MAP3K6: variants seen among roughly 807,000 people sequenced by gnomAD.
MAP3K6 encodes apoptosis signal-regulating kinase 2.
Under a neutral mutation model 147.1 loss-of-function variants are expected in MAP3K6, and 105 were observed. The observed-to-expected ratio is 0.71, with a 90% CI of 0.61 to 0.84. The LOEUF is 0.84. MAP3K6 is among the 40% of genes least tolerant of loss of function. MAP3K6 has a pLI of 0.00. For missense variants in MAP3K6, 1,569 were observed against 1,715.0 expected (o/e 0.91, Z 1.50); for synonymous variants, 695 against 732.4 (o/e 0.95, Z 0.82).
In MAP3K6 at chr1:27,363,424, C is replaced by T. The variant is rs1383102429; in HGVS notation, c.971+18G>A. The T allele has an allele frequency of 6.2e-7, 1 of 1,603,210 alleles. No individual in the cohort carries two copies. The highest frequency in any genetic ancestry group is 1.3e-5 in the African/African-American group (1 of 74,546). On this transcript the variant is annotated intron_variant, in intron 6 of 28. Coordinates refer to ENST00000357582, the MANE Select transcript of MAP3K6 (RefSeq NM_004672.5). The stretch of plus-strand genomic sequence containing the variant: ...AACCTTTATGTGGCTATGACCTAAC[C>T]CTTGCTCTGCCACTCACCGGTTGAG...
chr1:27,362,993 C>T lies in MAP3K6; in HGVS notation c.1000G>A (p.Ala334Thr). Residue 334 changes from alanine to threonine, a missense_variant, in exon 7 of 29, where the codon GCC (alanine) becomes ACC (threonine). Transcript: ENST00000357582. ...RRNRPGDRAK[A>T]LSVLLPLVQL... Reference sequence around the variant, plus strand: ...ACCAGCGGCAGCAGCACAGACAGGGCCTTCGCCCGGTCCCCAGGCCTGTTC... The same window carrying T: ...ACCAGCGGCAGCAGCACAGACAGGGTCTTCGCCCGGTCCCCAGGCCTGTTC... 1 of 1,613,952 alleles carries T rather than the reference C, an allele frequency of 6.2e-7. No homozygotes were observed. Among genetic ancestry groups the T allele is most frequent in the African/African-American group, 1.3e-5 (1 of 75,068 alleles).
Position 27,358,028 on chromosome 1 carries a change from A to G in MAP3K6, c.2916-152T>C. The G allele has an allele frequency of 6.7e-7, 1 of 1,485,424 alleles. No homozygotes were observed. The highest frequency in any genetic ancestry group is 8.9e-7 in the Non-Finnish European group (1 of 1,118,642). The allele number at this position is 1,485,424 out of a possible 1,614,324, so 92.0% of individuals were successfully genotyped here. A position where few individuals can be genotyped will look rare whatever the true frequency, so the allele number is the denominator to read the frequency against. ...CGCACTGAGAGGACACAACAAGTCC[A>G]AGTTAGAGTTGCCAGAACAGGGCAT... On this transcript the variant is annotated intron_variant, in intron 21 of 28. Transcript: ENST00000357582. The surrounding 1 kb of genome is among the most constrained non-coding windows in gnomAD (Gnocchi z 6.2).
intron 22 of MAP3K6, 28 bp from the exon 23 acceptor site, chr1:27,357,604 G>T (rs754253888): frequency 1.9e-6 from 3 of 1,597,374 alleles, no homozygotes; most frequent in Non-Finnish European, 2.6e-6. Context: ...GGTTGTCAGC[G>T]AGTGCTCCAG....
chr1:27,359,994 C>G lies in MAP3K6; in HGVS notation c.2183G>C (p.Gly728Ala), dbSNP rs749249562. The change falls in exon 17 of 29, where the codon GGC (glycine) becomes GCC (alanine). Residue 728 changes from glycine to alanine, a missense_variant and splice_region_variant. Physicochemically the swap from Gly to Ala is moderately conservative, Grantham distance 60 (BLOSUM62 0). Transcript: ENST00000357582. The surrounding 1 kb of genome is among the most constrained non-coding windows in gnomAD (Gnocchi z 4.4). ...LKIFMEEVPG[G>A]SLSSLLRSVW... ...CGACCGCAGCAAGGAGGACAGGCTG[C>G]CTGGGTGGGGACAGTCCAAGTTCAT... The G allele has an allele frequency of 6.2e-7, 1 of 1,614,006 alleles. No homozygotes were observed. The highest frequency in any genetic ancestry group is 1.1e-5 in the South Asian group (1 of 91,070).
rs925323172 is a variant in MAP3K6 at position 27,356,720 on chromosome 1, A to G, written c.3394T>C (p.Ser1132Pro). The part of the protein sequence containing the change: ...EVEKEAVSPR[S>P]EELSNEGDSQ... ...TCCCCTTCATTACTCAGCTCCTCTGACCTCGGTGAGACCGCCTCCTTCTCC... is the reference window on the plus strand; with the variant it reads ...TCCCCTTCATTACTCAGCTCCTCTGGCCTCGGTGAGACCGCCTCCTTCTCC... The change falls in exon 25 of 29, where the codon TCA (serine) becomes CCA (proline). Residue 1132 changes from serine (S) to proline (P), a missense_variant. Ser to Pro is a moderately conservative substitution (Grantham distance 74). Coordinates refer to ENST00000357582, the MANE Select transcript of MAP3K6 (RefSeq NM_004672.5). 4.4e-6 allele frequency: 7 copies of G among 1,585,540 alleles called. No homozygotes were observed. The highest frequency in any genetic ancestry group is 6.0e-6 in the Non-Finnish European group (7 of 1,165,440).
chr1:27,366,380 C>A lies in MAP3K6; in HGVS notation c.218G>T (p.Arg73Leu). 1.6e-6 allele frequency: 2 copies of A among 1,259,494 alleles called. No homozygotes were observed. Among genetic ancestry groups the A allele is most frequent in the Non-Finnish European group, 2.0e-6 (2 of 1,003,070 alleles). The allele number at this position is 1,259,494 out of a possible 1,614,324, so 78.0% of individuals were successfully genotyped here. ...CTGCGCGCAAGCCTCGCGCAGGCAGCGCAGGGGCAGCGGCTCCGCCTCGGT... is the reference window on the plus strand; with the variant it reads ...CTGCGCGCAAGCCTCGCGCAGGCAGAGCAGGGGCAGCGGCTCCGCCTCGGT... ...EGTEAEPLPLRCLREACAQVP... is the reference protein window; with the variant it reads ...EGTEAEPLPLLCLREACAQVP... The change falls in exon 1 of 29, where the codon CGC becomes CTC. Residue 73 changes from arginine (R) to leucine (L), a missense_variant. By Grantham distance (102) the Arg-to-Leu change is moderately radical. Transcript: ENST00000357582. The surrounding 1 kb of genome is among the most constrained non-coding windows in gnomAD (Gnocchi z 5.5).
rs200374785 is a variant in MAP3K6, at chr1:27,361,237, G to C, written c.1752C>G (p.Asp584Glu). Residue 584 changes from aspartate to glutamate, a missense_variant, in exon 13 of 29, where the codon GAC becomes GAG. Coordinates refer to ENST00000357582, the MANE Select transcript of MAP3K6 (RefSeq NM_004672.5). ...GTGCATAGAGGAAGCAGCAGCGCTC[G>C]TCGCGCTTTGAGGCGCTGGGAAGGG... ...SICGVSASKR[D>E]ERCCFLYALP... The C allele has an allele frequency of 3.7e-6, 6 of 1,613,416 alleles. No homozygotes were observed. The highest frequency in any genetic ancestry group is 2.7e-5 in the African/African-American group (2 of 75,054).
intron 27 of MAP3K6, 137 bp downstream of exon 27, chr1:27,355,889 A>G: frequency 8.9e-7 from 1 of 1,117,324 alleles, no homozygotes; most frequent in East Asian, 2.4e-5. Context: ...CATCCATACA[A>G]TGGGACGAGA....
At chr1:27,365,164 G>A (rs915607953) in intron 1 of MAP3K6, among the ~76,000 whole-genome samples, 4 of 152,186 alleles carry the variant, frequency 2.6e-5, no homozygotes, top group Non-Finnish European at 5.9e-5. Context: ...TGAGCACCTG[G>A]CATGGGGGAA....
rs1391883305 is a variant in MAP3K6 at position 27,359,342 on chromosome 1, C to T, written c.2425+75G>A. 1.2e-6 allele frequency: 2 copies of T among 1,606,206 alleles called. No homozygotes were observed. The highest frequency in any genetic ancestry group is 4.5e-5 in the East Asian group (2 of 44,784). On this transcript the variant is annotated intron_variant, in intron 18 of 28. Transcript: ENST00000357582. The surrounding 1 kb of genome is among the most constrained non-coding windows in gnomAD (Gnocchi z 4.4). ...TCTAACTCCATGCCTAGGAGAAACC[C>T]CCTTCCCTGGAAAGTTCCAAGAGAT... is the stretch of plus-strand genomic sequence containing the variant.
Position 27,364,870 on chromosome 1 carries a change from G to A in MAP3K6, c.383C>T (p.Ser128Phe). ...ACGCACACCAAGGTGGTAGAACAGG[G>A]AGGGCTGTACCAGCGAGCTGCTCAC... is the stretch of plus-strand genomic sequence containing the variant. ...LEVSSSLVQPSLFYHLGVRES... is the reference protein window; with the variant it reads ...LEVSSSLVQPFLFYHLGVRES... Residue 128 changes from serine (S) to phenylalanine (F), a missense_variant, in exon 2 of 29, where the codon TCC becomes TTC. Physicochemically the swap from Ser to Phe is radical, Grantham distance 155. Transcript: ENST00000357582. The surrounding 1 kb of genome is among the most constrained non-coding windows in gnomAD (Gnocchi z 4.4). 6.2e-7 allele frequency: 1 copy of A among 1,610,446 alleles called. No homozygotes were observed. Among genetic ancestry groups the A allele is most frequent in the Non-Finnish European group, 8.5e-7 (1 of 1,177,268 alleles).
At chr1:27,355,879 C>T (rs1406004213) in intron 27 of MAP3K6, 134 bp from the exon 28 acceptor site, 2 of 1,144,232 alleles carry the variant, frequency 1.7e-6, no homozygotes, top group African/African-American at 1.5e-5. Context: ...TCAGTTTTCT[C>T]ATCCATACAA....
Position 27,363,545 on chromosome 1 carries a change from A to G in MAP3K6, c.868T>C (p.Tyr290His). 1 of 1,606,480 alleles carries G rather than the reference A, an allele frequency of 6.2e-7. No individual in the cohort carries two copies. Among genetic ancestry groups the G allele is most frequent in the Non-Finnish European group, 8.5e-7 (1 of 1,176,008 alleles). ...TCCACCAGCTCAATGATGGCCGAGT[A>G]GTCCTGCATCAGGGAACGGCAAGCA... ...LLLSYRDVQD[Y>H]SAIIELVETL... The change falls in exon 6 of 29, where the codon TAC becomes CAC. Residue 290 changes from tyrosine (Y) to histidine (H), a missense_variant. Coordinates refer to ENST00000357582, the MANE Select transcript of MAP3K6 (RefSeq NM_004672.5).
rs775217005 is a variant in MAP3K6, at chr1:27,360,254, C to T, written c.2169G>A (p.Glu723=). 5 of 1,614,108 alleles carry T rather than the reference C, an allele frequency of 3.1e-6. No individual in the cohort carries two copies. In the Admixed American group the frequency reaches 5.0e-5, roughly 16 times the overall value. The change falls in exon 16 of 29, where the codon GAG becomes GAA. Residue 723 remains glutamate, a synonymous_variant. Coordinates refer to ENST00000357582, the MANE Select transcript of MAP3K6 (RefSeq NM_004672.5). The surrounding 1 kb of genome is among the most constrained non-coding windows in gnomAD (Gnocchi z 4.5). ...CAGGGCAGGTACCTCCAGGCACTTC[C>T]TCCATGAAGATCTTAAGGTAGCCGC... The part of the protein sequence containing the change: ...SQGGYLKIFM[E]EVPGGSLSSL...
chr1:27,366,943 C>T lies in MAP3K6; in HGVS notation c.-346G>A, dbSNP rs1426767808. Reference sequence around the variant, plus strand: ...CTTCTCAAGGGAGCGCCCGCCAACGCTGCCCTGCCTTCACTTGTAGGCTAA... The same window carrying T: ...CTTCTCAAGGGAGCGCCCGCCAACGTTGCCCTGCCTTCACTTGTAGGCTAA... On this transcript the variant is annotated 5_prime_UTR_variant, in exon 1 of 29. Transcript: ENST00000357582. This position sits in a 1 kb window ranked among gnomAD's most constrained non-coding sequence, Gnocchi z 5.5. The T allele has an allele frequency of 6.6e-6, 1 of 152,630 alleles. No individual in the cohort carries two copies. The highest frequency in any genetic ancestry group is 1.9e-4 in the East Asian group (1 of 5,172). The allele number at this position is 152,630 out of a possible 1,614,324, so 9.5% of individuals were successfully genotyped here.
chr1:27,360,557 C>G lies in MAP3K6; in HGVS notation c.2054+148G>C. 2.9e-6 allele frequency: 4 copies of G among 1,393,110 alleles called. No homozygotes were observed. Among genetic ancestry groups the G allele is most frequent in the Non-Finnish European group, 3.8e-6 (4 of 1,049,782 alleles). The allele number at this position is 1,393,110 out of a possible 1,614,324, so 86.3% of individuals were successfully genotyped here. On this transcript the variant is annotated intron_variant, in intron 15 of 28. Transcript: ENST00000357582. The surrounding 1 kb of genome is among the most constrained non-coding windows in gnomAD (Gnocchi z 4.5). ...CCCGCCCGCACGGTCCTGGCTGTTC[C>G]GCCCACGGGCCCAGTCCACAGGGCT... is the stretch of plus-strand genomic sequence containing the variant.
Position 27,364,910 on chromosome 1 carries a change from C to A in MAP3K6, c.343G>T (p.Val115Leu). Residue 115 changes from valine to leucine, a missense_variant and splice_region_variant, in exon 2 of 29, where the codon GTG becomes TTG. Val to Leu is a conservative substitution (Grantham distance 32). Transcript: ENST00000357582. This position sits in a 1 kb window ranked among gnomAD's most constrained non-coding sequence, Gnocchi z 4.4. ...AALDAFYNAD[V>L]VVLEVSSSLV... is the part of the protein sequence containing the mutation. Reference sequence around the variant, plus strand: ...GAGCTGCTCACCTCCAGCACCACCACATCTGCAGGCACAGAGGGGGTGGCG... The same window carrying A: ...GAGCTGCTCACCTCCAGCACCACCAAATCTGCAGGCACAGAGGGGGTGGCG... 1 of 1,582,970 alleles carries A rather than the reference C, an allele frequency of 6.3e-7. No homozygotes were observed. The highest frequency in any genetic ancestry group is 1.1e-5 in the South Asian group (1 of 87,076).
At position 27,357,859 on chromosome 1, in the gene MAP3K6, G is replaced by A. The variant is rs780571774; in HGVS notation, c.2933C>T (p.Ala978Val). The change falls in exon 22 of 29, where the codon GCG becomes GTG. Residue 978 changes from alanine (A) to valine (V), a missense_variant. Physicochemically the swap from Ala to Val is moderately conservative, Grantham distance 64. Coordinates refer to ENST00000357582, the MANE Select transcript of MAP3K6 (RefSeq NM_004672.5). ...TSQLRVPEEPAAEEPASPEES... is the reference protein window; with the variant it reads ...TSQLRVPEEPVAEEPASPEES... ...CTCCGGAGACGCAGGCTCCTCGGCC[G>A]CAGGCTCCTCGGGCACCCTGGGCAC... 3 of 1,593,362 alleles carry A rather than the reference G, an allele frequency of 1.9e-6. No homozygotes were observed. Among genetic ancestry groups the A allele is most frequent in the Non-Finnish European group, 1.7e-6 (2 of 1,174,336 alleles).
rs1327972337 is a variant in MAP3K6 at position 27,364,498 on chromosome 1, A to C, written c.505-104T>G. 63 of 1,539,340 alleles carry C rather than the reference A, an allele frequency of 4.1e-5. No individual in the cohort carries two copies. Among genetic ancestry groups the C allele is most frequent in the Non-Finnish European group, 5.6e-5 (62 of 1,114,806 alleles). Reference sequence around the variant, plus strand: ...CAGCATCAGTGGGAATTGGAATCGCAGGAAAGGGGCACCCGTCATGAGAGG... The same window carrying C: ...CAGCATCAGTGGGAATTGGAATCGCCGGAAAGGGGCACCCGTCATGAGAGG... On this transcript the variant is annotated intron_variant, in intron 3 of 28. Transcript: ENST00000357582. The surrounding 1 kb of genome is among the most constrained non-coding windows in gnomAD (Gnocchi z 4.4).
Sources: allele counts gnomAD v4.1 joint callset (sites outside exome capture counted in the v4.1 genomes callset), GRCh38; gene constraint gnomAD v4.1.1; non-coding constraint Gnocchi (gnomAD v3.1); transcripts MANE v1.5; gene names NCBI Gene and HGNC (gene_info 2026-07-23, HGNC 2026-07-21).